CCSER1: variants seen among roughly 807,000 people sequenced by gnomAD.
The protein encoded by CCSER1 is serine-rich coiled-coil domain-containing protein 1.
A neutral mutation model predicts 82.0 loss-of-function variants in CCSER1; 41 were observed. The ratio of observed to expected loss-of-function variants is 0.50; its 90% CI spans 0.39 to 0.65. CCSER1 has a LOEUF of 0.65. Ranked by LOEUF, CCSER1 falls within the 30% of genes least tolerant of loss-of-function variation. The pLI is 0.00. For missense variants in CCSER1, 1,119 were observed against 1,064.2 expected (o/e 1.05, Z -0.72); for synonymous variants, 414 against 383.9 (o/e 1.08, Z -0.92).
At chr4:90,214,170 G>A (rs1288702956) in intron 1 of CCSER1, among the ~76,000 whole-genome samples, 1 of 152,122 alleles carries the variant, frequency 6.6e-6, no homozygotes, top group Non-Finnish European at 1.5e-5. Context: ...TGGGAGAGCT[G>A]GCCTTGGATA....
intron 5 of CCSER1, among the ~76,000 whole-genome samples, chr4:90,590,677 A>T (rs1165553122): frequency 6.6e-6 from 1 of 151,970 alleles, no homozygotes; most frequent in Admixed American, 6.5e-5. Flanking sequence ...TGGTACCAGT[A>T]CCATGCTGTT....
rs768850797 is a variant in CCSER1 at position 91,597,179 on chromosome 4, G to A, written c.2218-1393G>A. On this transcript the variant is annotated intron_variant, in intron 10 of 10. Coordinates refer to ENST00000509176, the MANE Select transcript of CCSER1 (RefSeq NM_001145065.2). ...AGACGGCCTGTCCTACACTAGCTTA[G>A]GATAAAATCAAACTCTGTGCTACAA... Among the ~76,000 whole-genome samples the A allele has an allele frequency of 2.6e-5, 4 of 151,942 alleles. No homozygotes were observed. In the South Asian group the frequency reaches 8.3e-4, roughly 31 times the overall value.
chr4:90,918,194 TATTA>T (rs1727799861), intron 8 of CCSER1: 4 of 452,008 alleles, frequency 8.8e-6, no homozygotes, highest in Admixed American at 2.4e-5. Flanking sequence ...CTGTTAATTG[TATTA>T]ATTAATGTGT....
At chr4:90,402,003 G>A (rs1367969511) in intron 4 of CCSER1, among the ~76,000 whole-genome samples, 1 of 152,156 alleles carries the variant, frequency 6.6e-6, no homozygotes, top group Non-Finnish European at 1.5e-5. Context: ...AACCTCTGAA[G>A]TGTTCGTGTC....
intron 10 of CCSER1, among the ~76,000 whole-genome samples, chr4:91,226,388 G>A (rs887830953): frequency 2.6e-5 from 4 of 151,840 alleles, no homozygotes; most frequent in Non-Finnish European, 5.9e-5. Context: ...ATTGGAATTT[G>A]CAAGAAAAAT....
At chr4:91,131,894 C>T (rs1391229125) in intron 10 of CCSER1, among the ~76,000 whole-genome samples, 1 of 151,880 alleles carries the variant, frequency 6.6e-6, no homozygotes, top group Non-Finnish European at 1.5e-5. Context: ...CATTCTACTG[C>T]TTGCTGGCTG....
chr4:90,553,674 A>C (rs1420710038), intron 5 of CCSER1, among the ~76,000 whole-genome samples: 2 of 152,332 alleles, frequency 1.3e-5, no homozygotes, highest in East Asian at 3.9e-4. Flanking sequence ...GGTTATAAAT[A>C]ATCTTATTTT....
At chr4:90,843,071 G>A (rs576795421) in intron 8 of CCSER1, among the ~76,000 whole-genome samples, 1 of 152,134 alleles carries the variant, frequency 6.6e-6, no homozygotes, top group African/African-American at 2.4e-5. Context: ...CTTAAGAGCT[G>A]CACTGGATGG....
intron 10 of CCSER1, among the ~76,000 whole-genome samples, chr4:91,524,623 A>C (rs1025784291): frequency 1.3e-5 from 2 of 152,196 alleles, no homozygotes; most frequent in African/African-American, 2.4e-5. Flanking sequence ...ATAACAAAAG[A>C]GAATGAGAGA....
intron 10 of CCSER1, among the ~76,000 whole-genome samples, chr4:91,376,050 A>G (rs1750386709): frequency 1.3e-5 from 2 of 152,198 alleles, no homozygotes; most frequent in Non-Finnish European, 2.9e-5. Context: ...AAACTTAACT[A>G]TGTGGAAAAC....
chr4:90,852,794 CTTTAA>C (rs771385394), intron 8 of CCSER1, among the ~76,000 whole-genome samples: 14 of 152,108 alleles, frequency 9.2e-5, no homozygotes, highest in Non-Finnish European at 1.5e-4. Context: ...TGTATCTTTG[CTTTAA>C]TTTGACAATG....
chr4:90,311,607 A>T (rs1012772069), intron 2 of CCSER1, among the ~76,000 whole-genome samples: 2 of 152,212 alleles, frequency 1.3e-5, no homozygotes, highest in Admixed American at 1.3e-4. Context: ...ACTAACTTTC[A>T]TAATGCTAAA....
intron 7 of CCSER1, among the ~76,000 whole-genome samples, chr4:90,807,940 A>C (rs1385060942): frequency 6.6e-6 from 1 of 152,146 alleles, no homozygotes; most frequent in East Asian, 1.9e-4. Context: ...TAATAGCCAA[A>C]GTAATCCTAA....
intron 1 of CCSER1, among the ~76,000 whole-genome samples, chr4:90,164,985 A>G (rs1314141301): frequency 6.6e-5 from 10 of 152,148 alleles, no homozygotes; most frequent in Non-Finnish European, 1.5e-4. Flanking sequence ...ACCAAATCAA[A>G]AAGACATATA....
At chr4:91,078,235 A>G (rs547291657) in intron 9 of CCSER1, among the ~76,000 whole-genome samples, 1 of 152,274 alleles carries the variant, frequency 6.6e-6, no homozygotes, top group African/African-American at 2.4e-5. Context: ...TGCCCCTCTG[A>G]GACGAAGCTT....
intron 9 of CCSER1, among the ~76,000 whole-genome samples, chr4:90,943,017 C>T (rs1458943522): frequency 1.3e-5 from 2 of 150,488 alleles, no homozygotes; most frequent in Non-Finnish European, 3.0e-5. Context: ...GTAACTGAAA[C>T]TTTGATGAAC....
chr4:91,447,061 T>C (rs916228831), intron 10 of CCSER1, among the ~76,000 whole-genome samples: 4 of 152,084 alleles, frequency 2.6e-5, no homozygotes, highest in African/African-American at 9.7e-5. Context: ...GCTTGACATG[T>C]GGCATCAGGG....
chr4:90,177,379 C>T (rs1732907144), intron 1 of CCSER1, among the ~76,000 whole-genome samples: 1 of 152,052 alleles, frequency 6.6e-6, no homozygotes, highest in South Asian at 2.1e-4. Flanking sequence ...ATTCCTTAGA[C>T]ACTTTAAGCG....
At chr4:90,780,137 G>A (rs1753550012) in intron 7 of CCSER1, among the ~76,000 whole-genome samples, 1 of 152,090 alleles carries the variant, frequency 6.6e-6, no homozygotes, top group South Asian at 2.1e-4. Context: ...ATGCCCTCAG[G>A]ACTTGACCCT....
Sources: allele counts gnomAD v4.1 joint callset (sites outside exome capture counted in the v4.1 genomes callset), GRCh38; gene constraint gnomAD v4.1.1; transcripts MANE v1.5; gene names NCBI Gene and HGNC (gene_info 2026-07-23, HGNC 2026-07-21).